VWF: variants seen among roughly 807,000 people sequenced by gnomAD.
The protein encoded by VWF is von Willebrand factor.
VWF carries 176 observed loss-of-function variants against 308.6 expected under a neutral mutation model. The observed-to-expected ratio is 0.57, with a 90% CI of 0.50 to 0.65. The LOEUF (loss-of-function observed/expected upper bound fraction) is 0.65, where lower values mean the gene tolerates loss of function less well. Among genes scored for constraint, VWF ranks in the 30% least tolerant of loss-of-function variants. The pLI is 0.00. For missense variants in VWF, 3,146 were observed against 3,648.2 expected (o/e 0.86, Z 3.55); for synonymous variants, 1,385 against 1,443.4 (o/e 0.96, Z 0.92).
At chr12:5,982,073 A>G in intron 41 of VWF, 82 bp from the exon 42 acceptor site, 3 of 1,348,206 alleles carry the variant, frequency 2.2e-6, no homozygotes, top group Non-Finnish European at 3.1e-6. Context: ...GGTGCCAGGG[A>G]GCTTTAGACT....
chr12:5,949,335 C>T, intron 51 of VWF, 132 bp from the exon 52 acceptor site: 1 of 874,890 alleles, frequency 1.1e-6, no homozygotes, highest in Non-Finnish European at 1.8e-6. Flanking sequence ...CAGAAGCACC[C>T]AGGACAGCTA....
rs962764451 is a variant in VWF, at chr12:6,123,748, T to C, written c.1-552A>G. 2.0e-5 allele frequency among the ~76,000 whole-genome samples: 3 copies of C among 152,218 alleles called. No homozygotes were observed. The East Asian group carries it at 5.8e-4, about 29-fold the overall frequency. On this transcript the variant is annotated intron_variant, in intron 1 of 51. Transcript: ENST00000261405. ...CAACCCCAGCACCTGGCAAGATGCT[T>C]AGCACCCAGGAGATGCCCAGCAAAT...
chr12:6,090,708 T>C (rs894449053), intron 6 of VWF, among the ~76,000 whole-genome samples: 1 of 152,068 alleles, frequency 6.6e-6, no homozygotes, highest in Non-Finnish European at 1.5e-5. Flanking sequence ...ATACATATTA[T>C]CCCTCTCTTA....
intron 42 of VWF, among the ~76,000 whole-genome samples, chr12:5,981,045 T>C (rs1943599543): frequency 6.6e-6 from 1 of 152,252 alleles, no homozygotes; most frequent in Admixed American, 6.5e-5. Context: ...GTTTATAGAC[T>C]ATTGTCATAT....
chr12:6,071,776 A>C (rs950921483), intron 9 of VWF, among the ~76,000 whole-genome samples: 4 of 152,190 alleles, frequency 2.6e-5, no homozygotes, highest in Non-Finnish European at 4.4e-5. Context: ...AAGATAGCAA[A>C]GGGAGGAGGC....
intron 40 of VWF, among the ~76,000 whole-genome samples, chr12:5,983,945 T>C (rs1297345989): frequency 6.7e-6 from 1 of 149,932 alleles, no homozygotes; most frequent in Admixed American, 6.6e-5. Context: ...ATAGGACAGA[T>C]GATAAATACA....
chr12:6,072,477 A>G, intron 8 of VWF, 35 bp from the exon 9 acceptor site: 1 of 1,525,492 alleles, frequency 6.6e-7, no homozygotes, highest in Non-Finnish European at 9.1e-7. Context: ...AGGCCTCAAC[A>G]TTGTCATTGC....
intron 50 of VWF, 55 bp downstream of exon 50, chr12:5,951,789 C>A (rs924643278): frequency 1.3e-6 from 2 of 1,594,842 alleles, no homozygotes; most frequent in African/African-American, 2.7e-5. Context: ...CTGCAAAGAG[C>A]CCCTGGACTT....
chr12:6,055,827 T>C, intron 15 of VWF, among the ~76,000 whole-genome samples: 1 of 141,914 alleles, frequency 7.0e-6, no homozygotes. Context: ...CAGGTCAGAG[T>C]GCAGTGGTGC....
chr12:5,971,461 T>A lies in VWF; in HGVS notation c.7548+138A>T, dbSNP rs143288236. The A allele has an allele frequency of 5.7e-4, 412 of 720,572 alleles. 2 individuals are homozygous for A. The African/African-American group carries it at 6.7e-3, about 12-fold the overall frequency. The allele number at this position is 720,572 out of a possible 1,614,324, so 44.6% of individuals were successfully genotyped here. Reference sequence around the variant, plus strand: ...AAGGGGCAGGTCATCCCAGCTGGCATCTGGATAACACCAACAGCTGGGTGA... The same window carrying A: ...AAGGGGCAGGTCATCCCAGCTGGCAACTGGATAACACCAACAGCTGGGTGA... On this transcript the variant is annotated intron_variant, in intron 44 of 51. Coordinates refer to ENST00000261405, the MANE Select transcript of VWF (RefSeq NM_000552.5).
chr12:5,972,068 G>C (rs1402612041), intron 43 of VWF, among the ~76,000 whole-genome samples: 1 of 152,256 alleles, frequency 6.6e-6, no homozygotes, highest in Admixed American at 6.5e-5. Flanking sequence ...TGACCGGGAG[G>C]CACACTCAGG....
chr12:6,003,774 T>A (rs1282067755), intron 34 of VWF, among the ~76,000 whole-genome samples: 2 of 150,736 alleles, frequency 1.3e-5, no homozygotes, highest in Non-Finnish European at 3.0e-5. Flanking sequence ...CAATGGATGG[T>A]GGTGATGGTT....
Position 5,953,512 on chromosome 12 carries a change from T to G in VWF, c.7970A>C (p.Gln2657Pro). ...TGCTCCTACCTTCAGTGTCATGATCTGTCCTCCTCTTAGCTGAATGGTGCA... is the reference window on the plus strand; with the variant it reads ...TGCTCCTACCTTCAGTGTCATGATCGGTCCTCCTCTTAGCTGAATGGTGCA... ...TACTIQLRGG[Q>P]IMTLKRDETL... The change falls in exon 48 of 52, where the codon CAG (glutamine) becomes CCG (proline). Residue 2657 changes from glutamine (Q) to proline (P), a missense_variant. Gln to Pro is a moderately conservative substitution (Grantham distance 76, BLOSUM62 -1). Transcript: ENST00000261405. 1.9e-6 allele frequency: 3 copies of G among 1,614,180 alleles called. No homozygotes were observed. Among genetic ancestry groups the G allele is most frequent in the Non-Finnish European group, 1.7e-6 (2 of 1,179,998 alleles).
At position 6,065,034 on chromosome 12, in the gene VWF, A is replaced by G; in HGVS notation, c.1293+103T>C. ...TCTGGAAGAGACCTCCCTCATGCAC[A>G]GAAAGCAATGCCCCACGCCTTCCAG... On this transcript the variant is annotated intron_variant, in intron 11 of 51. Coordinates refer to ENST00000261405, the MANE Select transcript of VWF (RefSeq NM_000552.5). 1.9e-6 allele frequency: 3 copies of G among 1,548,194 alleles called. No homozygotes were observed. The South Asian group carries it at 3.5e-5, about 18-fold the overall frequency.
At chr12:6,084,597 G>A (rs2136485161) in intron 6 of VWF, among the ~76,000 whole-genome samples, 1 of 152,284 alleles carries the variant, frequency 6.6e-6, no homozygotes, top group South Asian at 2.1e-4. Context: ...CAGAGCCAGA[G>A]ATCTGAAGCT....
chr12:6,070,852 G>A (rs561353790), intron 10 of VWF, among the ~76,000 whole-genome samples: 1 of 152,288 alleles, frequency 6.6e-6, no homozygotes, highest in South Asian at 2.1e-4. Context: ...CGAGCTCTTG[G>A]ACCACGCCAT....
chr12:6,080,555 C>T (rs1240208235), intron 6 of VWF, among the ~76,000 whole-genome samples: 1 of 152,182 alleles, frequency 6.6e-6, no homozygotes, highest in Non-Finnish European at 1.5e-5. Context: ...AGGAGGGAGG[C>T]CATGTCAGGT....
intron 18 of VWF, among the ~76,000 whole-genome samples, chr12:6,040,689 G>A (rs372854886): frequency 2.0e-5 from 3 of 152,142 alleles, no homozygotes; most frequent in African/African-American, 4.8e-5. Context: ...CATTTATCAC[G>A]GTGCGGACCA....
In VWF at chr12:6,051,286, C is replaced by CTTTTTTTTTT. The variant is rs55842185; in HGVS notation, c.2186+1247_2186+1256dup. Among the ~76,000 whole-genome samples the CTTTTTTTTTT allele has an allele frequency of 1.9e-3, 223 of 117,510 alleles. 2 individuals are homozygous for CTTTTTTTTTT. The highest frequency in any genetic ancestry group is 6.9e-3 in the African/African-American group (204 of 29,510). The allele number at this position is 117,510 out of a possible 152,430, so 77.1% of individuals were successfully genotyped here. A position where few individuals can be genotyped will look rare whatever the true frequency, so the allele number is the denominator to read the frequency against. On this transcript the variant is annotated intron_variant, in intron 16 of 51. Coordinates refer to ENST00000261405, the MANE Select transcript of VWF (RefSeq NM_000552.5). ...TTCCATAATCAGGACTTCTTTTTTT[C>CTTTTTTTTTT]TTTTTTTTTTTTTTTTTTTTTTTGA... is the stretch of plus-strand genomic sequence containing the variant.
Sources: allele counts gnomAD v4.1 joint callset (sites outside exome capture counted in the v4.1 genomes callset), GRCh38; gene constraint gnomAD v4.1.1; transcripts MANE v1.5; gene names NCBI Gene and HGNC (gene_info 2026-07-23, HGNC 2026-07-21).